The following USP13 variants were observed in gnomAD, a reference collection of about 807,000 sequenced individuals.
USP13 encodes the protein ubiquitin specific peptidase 13.
In USP13, 68 loss-of-function variants were observed where a neutral mutation model predicts 107.8. The ratio of observed to expected loss-of-function variants is 0.63; its 90% CI spans 0.52 to 0.77. The LOEUF (loss-of-function observed/expected upper bound fraction) is 0.77, where lower values mean the gene tolerates loss of function less well. USP13 is among the 30% of genes least tolerant of loss of function. USP13 has a pLI of 0.00. For synonymous variants in USP13, 377 were observed against 389.5 expected (o/e 0.97, Z 0.38); for missense variants, 945 against 1,093.3 (o/e 0.86, Z 1.91).
chr3:179,738,949 T>C (rs1310239020), intron 10 of USP13, among the ~76,000 whole-genome samples: 2 of 152,208 alleles, frequency 1.3e-5, no homozygotes, highest in African/African-American at 2.4e-5. Flanking sequence ...ATTAGAGAAG[T>C]AGGCAGAGTC....
intron 4 of USP13, among the ~76,000 whole-genome samples, chr3:179,704,932 T>A (rs952787801): frequency 6.6e-6 from 1 of 152,006 alleles, no homozygotes; most frequent in African/African-American, 2.4e-5. Context: ...AAGGATAGGA[T>A]CTAATTTTCA....
intron 19 of USP13, among the ~76,000 whole-genome samples, chr3:179,774,539 C>T (rs1419363909): frequency 1.1e-4 from 16 of 151,780 alleles, no homozygotes; most frequent in African/African-American, 1.7e-4. Context: ...TCCTCCTGTC[C>T]GGAGTTGCTC....
At position 179,728,270 on chromosome 3, in the gene USP13, C is replaced by T. The variant is rs1280467297; in HGVS notation, c.1089-1919C>T. ...GACGCTCCTCACTTCCCAGACGGGG[C>T]AGTTGCCGGGCGGAGGGTCTCCTCA... On this transcript the variant is annotated intron_variant, in intron 8 of 20. Transcript: ENST00000263966. Among the ~76,000 whole-genome samples the T allele has an allele frequency of 1.4e-4, 21 of 144,894 alleles. No homozygotes were observed. In the East Asian group the frequency reaches 2.8e-3, roughly 19 times the overall value.
Position 179,761,204 on chromosome 3 carries a change from A to G in USP13, c.2041A>G (p.Met681Val). The G allele has an allele frequency of 1.2e-6, 2 of 1,614,192 alleles. No individual in the cohort carries two copies. Among genetic ancestry groups the G allele is most frequent in the Non-Finnish European group, 1.7e-6 (2 of 1,180,036 alleles). Reference sequence around the variant, plus strand: ...CAAGGCTGTGTACTTCACTGGAAATATGGGCGCCGAGGTGGCCTTCAACTG... The same window carrying G: ...CAAGGCTGTGTACTTCACTGGAAATGTGGGCGCCGAGGTGGCCTTCAACTG... Reference protein sequence around the residue: ...CRKAVYFTGNMGAEVAFNWII... With the variant: ...CRKAVYFTGNVGAEVAFNWII... Residue 681 changes from methionine to valine, a missense_variant, in exon 17 of 21, where the codon ATG becomes GTG. Met to Val is a conservative substitution (Grantham distance 21, BLOSUM62 1). Coordinates refer to ENST00000263966, the MANE Select transcript of USP13 (RefSeq NM_003940.3).
At chr3:179,681,852 T>C in intron 1 of USP13, 26 bp from the exon 2 acceptor site, 1 of 1,607,682 alleles carries the variant, frequency 6.2e-7, no homozygotes. Context: ...TGTCGTCGGC[T>C]AATGTACTTT....
rs1451506428 is a variant in USP13, at chr3:179,755,174, T to C, written c.1921+320T>C. ...TAAAGGGGAAATTGAACAGCGTGAG[T>C]TGGTTTTAAAACTGTGATGGCATCT... On this transcript the variant is annotated intron_variant, in intron 15 of 20. Coordinates refer to ENST00000263966, the MANE Select transcript of USP13 (RefSeq NM_003940.3). 2.0e-5 allele frequency among the ~76,000 whole-genome samples: 3 copies of C among 152,150 alleles called. No homozygotes were observed. In the East Asian group the frequency reaches 5.8e-4, roughly 29 times the overall value.
intron 14 of USP13, among the ~76,000 whole-genome samples, chr3:179,753,849 G>A (rs761580850): frequency 1.4e-4 from 21 of 152,096 alleles, no homozygotes; most frequent in Non-Finnish European, 2.4e-4. Flanking sequence ...AATATGTGCA[G>A]CACTAAATCT....
At chr3:179,658,758 C>A (rs557832432) in intron 1 of USP13, among the ~76,000 whole-genome samples, 1 of 152,122 alleles carries the variant, frequency 6.6e-6, no homozygotes, top group Non-Finnish European at 1.5e-5. Context: ...TGGCTCCCAT[C>A]CCCCATTGGT....
At chr3:179,771,301 C>T (rs959847577) in intron 19 of USP13, among the ~76,000 whole-genome samples, 2 of 152,186 alleles carry the variant, frequency 1.3e-5, no homozygotes, top group Non-Finnish European at 2.9e-5. Context: ...CTCTGTGAGA[C>T]TCCGTTATGT....
At chr3:179,728,354 G>T (rs1196556529) in intron 8 of USP13, among the ~76,000 whole-genome samples, 37 of 147,942 alleles carry the variant, frequency 2.5e-4, no homozygotes, top group Non-Finnish European at 6.0e-5. Context: ...GGGCGGCAGG[G>T]CAGAGGTGCT....
chr3:179,654,775 A>G (rs1720202376), intron 1 of USP13, among the ~76,000 whole-genome samples: 1 of 152,162 alleles, frequency 6.6e-6, no homozygotes. Context: ...AGTTTCCTTT[A>G]TTATCTGTGG....
chr3:179,654,240 C>A (rs562399426), intron 1 of USP13, among the ~76,000 whole-genome samples: 1,534 of 148,390 alleles, frequency 0.01, 28 homozygotes, highest in African/African-American at 0.037. Flanking sequence ...AAATGTCAGA[C>A]GAAACCTTCC....
At chr3:179,776,742 T>C (rs545081222) in intron 19 of USP13, among the ~76,000 whole-genome samples, 1 of 152,288 alleles carries the variant, frequency 6.6e-6, no homozygotes, top group Non-Finnish European at 1.5e-5. Flanking sequence ...AATTCCTTTT[T>C]AAGTAAATAG....
Position 179,784,200 on chromosome 3 carries a change from A to T in USP13, c.*59A>T. 7.5e-7 allele frequency: 1 copy of T among 1,338,370 alleles called. No homozygotes were observed. Among genetic ancestry groups the T allele is most frequent in the South Asian group, 1.3e-5 (1 of 78,536 alleles). The allele number at this position is 1,338,370 out of a possible 1,614,324, so 82.9% of individuals were successfully genotyped here. A position where few individuals can be genotyped will look rare whatever the true frequency, so the allele number is the denominator to read the frequency against. ...TACGCCTTTTTAATTTGCCAAAAAA[A>T]AAAAGAAGAAGAAGAAGTTGAAACA... is the stretch of plus-strand genomic sequence containing the variant. On this transcript the variant is annotated 3_prime_UTR_variant, in exon 21 of 21. Transcript: ENST00000263966.
chr3:179,720,792 A>G (rs181412588), intron 7 of USP13, among the ~76,000 whole-genome samples: 2 of 146,106 alleles, frequency 1.4e-5, no homozygotes, highest in African/African-American at 5.0e-5. Flanking sequence ...TTCCCTTTCA[A>G]TCTTTCTCTC....
chr3:179,771,449 C>G (rs1011043609), intron 19 of USP13, among the ~76,000 whole-genome samples: 2 of 152,206 alleles, frequency 1.3e-5, no homozygotes, highest in African/African-American at 2.4e-5. Context: ...CCTTCAAGCA[C>G]TGGTTCAAGT....
intron 16 of USP13, among the ~76,000 whole-genome samples, chr3:179,760,223 C>T (rs986692846): frequency 2.7e-5 from 4 of 149,762 alleles, no homozygotes; most frequent in Non-Finnish European, 5.9e-5. Flanking sequence ...GTTATTAACA[C>T]AAGAAAACAA....
intron 17 of USP13, among the ~76,000 whole-genome samples, chr3:179,761,748 CA>C (rs554908420): frequency 6.6e-6 from 1 of 151,298 alleles, no homozygotes; most frequent in South Asian, 2.1e-4. Flanking sequence ...AAAAAAACAA[CA>C]AAAAAAACCC....
At chr3:179,766,177 A>G (rs1360322677) in intron 19 of USP13, among the ~76,000 whole-genome samples, 1 of 151,792 alleles carries the variant, frequency 6.6e-6, no homozygotes, top group Non-Finnish European at 1.5e-5. Context: ...ACGGGGATTC[A>G]CCATGTTGGC....
Sources: gnomAD v4.1 joint callset for allele counts (sites outside exome capture counted in the v4.1 genomes callset) on GRCh38, gnomAD v4.1.1 for gene constraint, MANE v1.5 for transcripts, NCBI Gene and HGNC (gene_info 2026-07-23, HGNC 2026-07-21) for gene names.